Variants in CNTLN observed in about 807,000 individuals in gnomAD.
The protein encoded by CNTLN is centlein, centrosomal protein.
In CNTLN, 212 loss-of-function variants were observed where a neutral mutation model predicts 180.0. The ratio of observed to expected loss-of-function variants is 1.18; its 90% confidence interval spans 1.05 to 1.32. CNTLN has a LOEUF of 1.32. Ranked by LOEUF, CNTLN falls within the 40% of genes most tolerant of loss-of-function variation. The probability of loss-of-function intolerance (pLI) is 0.00; values close to 1 mark genes in which losing one functional copy is unlikely to be tolerated. For synonymous variants in CNTLN, 722 were observed against 563.1 expected (o/e 1.28, Z -3.99); for missense variants, 2,095 against 1,610.9 (o/e 1.30, Z -5.14).
chr9:17,141,637 G>A (rs1455476757), intron 1 of CNTLN, among the ~76,000 whole-genome samples: 2 of 152,200 alleles, frequency 1.3e-5, no homozygotes, highest in Admixed American at 1.3e-4. Context: ...GTAAGGCTAT[G>A]AGACCATGAT....
At chr9:17,295,789 G>C (rs991220819) in intron 6 of CNTLN, among the ~76,000 whole-genome samples, 13 of 152,072 alleles carry the variant, frequency 8.5e-5, no homozygotes, top group Non-Finnish European at 1.5e-4. Context: ...ACTTTCCCGA[G>C]GGTTGTGTGG....
rs1049780596 is a variant in CNTLN, at chr9:17,275,407, A to G, written c.983+1541A>G. 3.3e-5 allele frequency among the ~76,000 whole-genome samples: 5 copies of G among 152,038 alleles called. No individual in the cohort carries two copies. In the South Asian group the frequency reaches 1.0e-3, roughly 32 times the overall value. Reference sequence around the variant, plus strand: ...GTCTCAGACATTTATCAATGACAACATTTTTTCACTAATTGATCAACTACT... The same window carrying G: ...GTCTCAGACATTTATCAATGACAACGTTTTTTCACTAATTGATCAACTACT... On this transcript the variant is annotated intron_variant, in intron 6 of 25. Transcript: ENST00000380647.
chr9:17,409,763 A>G (rs559343784), intron 16 of CNTLN, among the ~76,000 whole-genome samples: 65 of 152,242 alleles, frequency 4.3e-4, no homozygotes, highest in Admixed American at 1.0e-3. Flanking sequence ...GAAATATTCC[A>G]AATGATGAAA....
chr9:17,180,531 A>G (rs75459540), intron 2 of CNTLN, among the ~76,000 whole-genome samples: 8,204 of 151,682 alleles, frequency 0.054, 254 homozygotes, highest in East Asian at 0.18. Flanking sequence ...ACCACATAAG[A>G]TATTATTATA....
intron 2 of CNTLN, among the ~76,000 whole-genome samples, chr9:17,178,686 A>G (rs1354756564): frequency 8.8e-6 from 1 of 113,478 alleles, no homozygotes; most frequent in Admixed American, 8.4e-5. Flanking sequence ...AAGTGCGGGG[A>G]CCACCGAGCC....
intron 5 of CNTLN, among the ~76,000 whole-genome samples, chr9:17,238,804 A>G (rs536688268): frequency 2.0e-5 from 3 of 152,258 alleles, no homozygotes; most frequent in East Asian, 3.9e-4. Flanking sequence ...CTACATGTAT[A>G]TATATTTTCA....
the CNTLN span, among the ~76,000 whole-genome samples, chr9:17,514,233 C>T: frequency 6.6e-6 from 1 of 151,762 alleles, no homozygotes. Flanking sequence ...TCGCTTGAGT[C>T]TGGGGACTTG....
At chr9:17,379,487 T>C (rs1825051694) in intron 13 of CNTLN, among the ~76,000 whole-genome samples, 1 of 152,146 alleles carries the variant, frequency 6.6e-6, no homozygotes, top group Non-Finnish European at 1.5e-5. Flanking sequence ...CATTTAGGTT[T>C]TCTGTTTCTG....
chr9:17,338,337 GTTTTTT>G (rs71331486), intron 10 of CNTLN, among the ~76,000 whole-genome samples: 10 of 100,440 alleles, frequency 1.0e-4, no homozygotes, highest in Non-Finnish European at 1.8e-4. Context: ...GCTAATTTTT[GTTTTTT>G]TTTTTTTTTT....
At chr9:17,438,612 T>C (rs1461848056) in intron 18 of CNTLN, among the ~76,000 whole-genome samples, 7 of 152,094 alleles carry the variant, frequency 4.6e-5, no homozygotes, top group South Asian at 2.1e-4. Flanking sequence ...AGAAACTAAA[T>C]CCTTAGGATC....
At chr9:17,290,170 T>G (rs572811105) in intron 6 of CNTLN, among the ~76,000 whole-genome samples, 1 of 152,076 alleles carries the variant, frequency 6.6e-6, no homozygotes, top group Non-Finnish European at 1.5e-5. Flanking sequence ...ATGATGGTGA[T>G]GTACAGATGG....
intron 13 of CNTLN, among the ~76,000 whole-genome samples, chr9:17,387,900 G>T (rs993441369): frequency 6.7e-6 from 1 of 149,868 alleles, no homozygotes; most frequent in Non-Finnish European, 1.5e-5. Context: ...TAAAAGTGTA[G>T]CATTGTTAAC....
the CNTLN span, among the ~76,000 whole-genome samples, chr9:17,516,936 G>A: frequency 6.6e-6 from 1 of 152,140 alleles, no homozygotes; most frequent in Non-Finnish European, 1.5e-5. Context: ...ATTGAGGAAA[G>A]GAATCTTTCT....
intron 2 of CNTLN, among the ~76,000 whole-genome samples, chr9:17,221,918 C>G (rs1046363069): frequency 2.6e-5 from 4 of 152,120 alleles, no homozygotes; most frequent in African/African-American, 9.6e-5. Flanking sequence ...AATCTGTTCT[C>G]ATATTCTCTC....
At chr9:17,368,255 C>A (rs1824001230) in intron 13 of CNTLN, among the ~76,000 whole-genome samples, 1 of 152,088 alleles carries the variant, frequency 6.6e-6, no homozygotes, top group Non-Finnish European at 1.5e-5. Flanking sequence ...GCAGAGACTC[C>A]TTTGCCTGTG....
chr9:17,442,369 G>C (rs575863496), intron 18 of CNTLN, among the ~76,000 whole-genome samples: 3 of 152,270 alleles, frequency 2.0e-5, no homozygotes, highest in African/African-American at 7.2e-5. Context: ...AAGGAGAACT[G>C]TAAAATCCAC....
At chr9:17,415,639 A>G in intron 16 of CNTLN, 149 bp from the exon 17 acceptor site, 2 of 609,450 alleles carry the variant, frequency 3.3e-6, no homozygotes, top group East Asian at 2.8e-5. Flanking sequence ...CCTGGCCTCA[A>G]GCAGTCCTCC....
intron 16 of CNTLN, among the ~76,000 whole-genome samples, chr9:17,414,748 A>G (rs956993642): frequency 2.0e-5 from 3 of 152,200 alleles, no homozygotes; most frequent in African/African-American, 7.2e-5. Flanking sequence ...TTTTTAAAAT[A>G]AGAAATAATT....
In CNTLN at chr9:17,290,475, C is replaced by A. The variant is rs1427233041; in HGVS notation, c.984-7715C>A. On this transcript the variant is annotated intron_variant, in intron 6 of 25. Coordinates refer to ENST00000380647, the MANE Select transcript of CNTLN (RefSeq NM_017738.4). Reference sequence around the variant, plus strand: ...TGCTGTCTTTTTGTTTGTCTGTGCCCTGCCCCCAGAGGTGGAGCCTACAGA... The same window carrying A: ...TGCTGTCTTTTTGTTTGTCTGTGCCATGCCCCCAGAGGTGGAGCCTACAGA... Among the ~76,000 whole-genome samples, 421 of 147,628 alleles carry A rather than the reference C, an allele frequency of 2.9e-3. 3 individuals are homozygous for A. Among genetic ancestry groups the A allele is most frequent in the African/African-American group, 1.0e-2 (400 of 40,012 alleles).
Sources: allele counts gnomAD v4.1 joint callset (sites outside exome capture counted in the v4.1 genomes callset), GRCh38; gene constraint gnomAD v4.1.1; transcripts MANE v1.5; gene names NCBI Gene and HGNC (gene_info 2026-07-23, HGNC 2026-07-21).